The following SPATA16 variants were observed in gnomAD, a reference collection of about 807,000 sequenced individuals.
SPATA16 encodes spermatogenesis associated 16, also known as spermatogenesis-associated protein 16.
SPATA16 carries 36 observed loss-of-function variants against 63.3 expected under a neutral mutation model. The ratio of observed to expected loss-of-function variants is 0.57; its 90% CI spans 0.44 to 0.75. The LOEUF is 0.75. Ranked by LOEUF, SPATA16 falls within the 30% of genes least tolerant of loss-of-function variation. The probability of loss-of-function intolerance (pLI) is 0.00; values close to 1 mark genes in which losing one functional copy is unlikely to be tolerated. For missense variants in SPATA16, 646 were observed against 679.3 expected, an observed-to-expected ratio of 0.95 and a Z score of 0.54; for synonymous variants, 203 against 216.7, an observed-to-expected ratio of 0.94 and a Z score of 0.56.
intron 6 of SPATA16, among the ~76,000 whole-genome samples, chr3:172,934,783 T>G (rs912109307): frequency 6.6e-6 from 1 of 152,168 alleles, no homozygotes. Flanking sequence ...GAATTTGAGA[T>G]GAGATGCTTC....
At chr3:173,088,072 TTCTTTCTGTCTTTTC>T (rs1737121828) in intron 2 of SPATA16, among the ~76,000 whole-genome samples, 24 of 128,206 alleles carry the variant, frequency 1.9e-4, no homozygotes, top group South Asian at 5.0e-4. Flanking sequence ...CTTTCTTTCT[TTCTTTCTGTCTTTTC>T]TTTTTTTTTT....
In SPATA16 at chr3:172,893,713, G is replaced by GCT. The variant is rs528520020; in HGVS notation, c.1588-4023_1588-4022dup. On this transcript the variant is annotated intron_variant, in intron 10 of 10. Coordinates refer to ENST00000351008, the MANE Select transcript of SPATA16 (RefSeq NM_031955.6). ...ACTTGGTTGGTGCCCCCTGGCACAG[G>GCT]CTTAGTGTATACCTTGGGAACCAGG... Among the ~76,000 whole-genome samples, 1,106 of 152,300 alleles carry GCT rather than the reference G, an allele frequency of 7.3e-3. 6 individuals are homozygous for GCT. The highest frequency in any genetic ancestry group is 0.023 in the Admixed American group (347 of 15,290).
At chr3:173,039,607 T>C (rs1384415261) in intron 3 of SPATA16, among the ~76,000 whole-genome samples, 2 of 152,112 alleles carry the variant, frequency 1.3e-5, no homozygotes, top group Non-Finnish European at 2.9e-5. Context: ...GAACAATAAA[T>C]GCCAAGTGGC....
chr3:173,004,992 A>G (rs970279213), intron 4 of SPATA16, among the ~76,000 whole-genome samples: 4 of 152,174 alleles, frequency 2.6e-5, no homozygotes, highest in Non-Finnish European at 4.4e-5. Flanking sequence ...AAATATCTCT[A>G]TGCTTAATTG....
chr3:173,077,990 C>A (rs558099144), intron 2 of SPATA16, among the ~76,000 whole-genome samples: 42 of 152,118 alleles, frequency 2.8e-4, no homozygotes, highest in African/African-American at 9.6e-4. Context: ...AATTAAAGCA[C>A]CTCTATAGTG....
intron 2 of SPATA16, among the ~76,000 whole-genome samples, chr3:173,061,260 A>G (rs1414750250): frequency 2.6e-5 from 4 of 152,210 alleles, no homozygotes; most frequent in Admixed American, 2.6e-4. Flanking sequence ...ATAAAATAGC[A>G]CTGAGAGCCT....
intron 6 of SPATA16, among the ~76,000 whole-genome samples, chr3:172,949,850 A>C (rs1395517745): frequency 6.6e-6 from 1 of 152,018 alleles, no homozygotes; most frequent in Non-Finnish European, 1.5e-5. Context: ...ACGTATCTGG[A>C]GAATTTTGAG....
In SPATA16 at chr3:173,004,448, A is replaced by C. The variant is rs536757682; in HGVS notation, c.848+15038T>G. 7.3e-4 allele frequency among the ~76,000 whole-genome samples: 110 copies of C among 151,156 alleles called. No homozygotes were observed. The East Asian group carries it at 0.019, about 26-fold the overall frequency. On this transcript the variant is annotated intron_variant, in intron 4 of 10. Transcript: ENST00000351008. Reference sequence around the variant, plus strand: ...TACCATATACAAAAAAAAAAAAAAAACACCACCACCAACAACAGCCAGACT... The same window carrying C: ...TACCATATACAAAAAAAAAAAAAAACCACCACCACCAACAACAGCCAGACT...
chr3:173,123,618 T>G (rs887744861), intron 1 of SPATA16, among the ~76,000 whole-genome samples: 1 of 151,698 alleles, frequency 6.6e-6, no homozygotes, highest in Non-Finnish European at 1.5e-5. Flanking sequence ...TTTTTTTTTT[T>G]TTGAGACAGA....
intron 4 of SPATA16, among the ~76,000 whole-genome samples, chr3:172,991,295 A>G (rs1734571981): frequency 6.6e-6 from 1 of 152,170 alleles, no homozygotes; most frequent in Non-Finnish European, 1.5e-5. Context: ...GAAGAGAACA[A>G]TATATCCTTT....
At chr3:172,911,470 G>T (rs1380833139) in intron 10 of SPATA16, among the ~76,000 whole-genome samples, 4 of 152,048 alleles carry the variant, frequency 2.6e-5, no homozygotes, top group Non-Finnish European at 5.9e-5. Flanking sequence ...TTCTTTAATG[G>T]TTTTCTTTGT....
chr3:172,965,637 A>T (rs1560081925), intron 5 of SPATA16, among the ~76,000 whole-genome samples: 1 of 150,596 alleles, frequency 6.6e-6, no homozygotes, highest in African/African-American at 2.5e-5. Context: ...TTTATTATTT[A>T]TTATTTTTTT....
At chr3:172,957,451 C>T (rs1733623753) in intron 5 of SPATA16, among the ~76,000 whole-genome samples, 1 of 152,044 alleles carries the variant, frequency 6.6e-6, no homozygotes, top group African/African-American at 2.4e-5. Flanking sequence ...TTGATAAAGC[C>T]CTGCCATCAT....
At chr3:173,065,095 G>A (rs184204474) in intron 2 of SPATA16, among the ~76,000 whole-genome samples, 24 of 152,230 alleles carry the variant, frequency 1.6e-4, no homozygotes, top group Non-Finnish European at 3.2e-4. Context: ...GAGTTATTAC[G>A]TTAACAAAGT....
intron 2 of SPATA16, among the ~76,000 whole-genome samples, chr3:173,063,280 T>C (rs1244877786): frequency 6.6e-6 from 1 of 152,216 alleles, no homozygotes; most frequent in African/African-American, 2.4e-5. Context: ...TAATCACTTA[T>C]GTCTTGCAAT....
chr3:172,910,007 G>A (rs180844679), intron 10 of SPATA16, among the ~76,000 whole-genome samples: 140 of 151,152 alleles, frequency 9.3e-4, no homozygotes, highest in South Asian at 7.3e-3. Context: ...TTCTGTTACC[G>A]TTTGGATTTG....
intron 6 of SPATA16, among the ~76,000 whole-genome samples, chr3:172,936,612 A>G (rs1421837458): frequency 1.3e-5 from 2 of 152,224 alleles, no homozygotes; most frequent in Non-Finnish European, 2.9e-5. Flanking sequence ...GCAAATTATC[A>G]AATCTGAGAA....
At chr3:173,046,329 T>C (rs553935669) in intron 3 of SPATA16, among the ~76,000 whole-genome samples, 3 of 152,164 alleles carry the variant, frequency 2.0e-5, no homozygotes, top group South Asian at 2.1e-4. Flanking sequence ...ATTTTGATAA[T>C]AGTTGTTTTC....
At chr3:172,942,535 A>G (rs1733180478) in intron 6 of SPATA16, among the ~76,000 whole-genome samples, 1 of 152,180 alleles carries the variant, frequency 6.6e-6, no homozygotes. Flanking sequence ...TGATGCTGAA[A>G]CAAAAAGTGA....
Sources: gnomAD v4.1 joint callset for allele counts (sites outside exome capture counted in the v4.1 genomes callset) on GRCh38, gnomAD v4.1.1 for gene constraint, MANE v1.5 for transcripts, NCBI Gene and HGNC (gene_info 2026-07-23, HGNC 2026-07-21) for gene names.